Variants in SCGB3A2 observed in about 807,000 individuals in gnomAD.
SCGB3A2 encodes secretoglobin family 3A member 2.
SCGB3A2 carries 5 observed loss-of-function variants against 7.7 expected under a neutral mutation model. The ratio of observed to expected loss-of-function variants is 0.65; its 90% CI spans 0.34 to 1.36. The LOEUF is 1.36. Among genes scored for constraint, SCGB3A2 ranks in the 40% most tolerant of loss-of-function variants. SCGB3A2 has a pLI of 0.04. For synonymous variants in SCGB3A2, 44 were observed against 42.7 expected, an observed-to-expected ratio of 1.03 and a Z score of -0.12; for missense variants, 109 against 103.6, an observed-to-expected ratio of 1.05 and a Z score of -0.23.
Position 147,878,713 on chromosome 5 carries a change from A to G in SCGB3A2, c.-91A>G. ...ATGTGTGTGCAAAAGCAGCCATCACACTTTGTATGGCAAGTGGAACCACTG... is the reference window on the plus strand; with the variant it reads ...ATGTGTGTGCAAAAGCAGCCATCACGCTTTGTATGGCAAGTGGAACCACTG... On this transcript the variant is annotated 5_prime_UTR_variant, in exon 1 of 3. Coordinates refer to ENST00000296694, the MANE Select transcript of SCGB3A2 (RefSeq NM_054023.5). The G allele has an allele frequency of 5.2e-6, 5 of 965,486 alleles. No homozygotes were observed. In the South Asian group the frequency reaches 6.5e-5, roughly 12 times the overall value. The allele number at this position is 965,486 out of a possible 1,614,324, so 59.8% of individuals were successfully genotyped here.
chr5:147,880,110 A>G (rs1757322466), intron 1 of SCGB3A2, among the ~76,000 whole-genome samples: 2 of 152,206 alleles, frequency 1.3e-5, no homozygotes, highest in South Asian at 4.1e-4. Context: ...AAAATAAACT[A>G]TGGCAGGTCT....
chr5:147,878,817 C>T lies in SCGB3A2; in HGVS notation c.14C>T (p.Thr5Ile), dbSNP rs942403789. The change falls in exon 1 of 3, where the codon ACT becomes ATT. Residue 5 changes from threonine (T) to isoleucine (I), a missense_variant. Physicochemically the swap from Thr to Ile is moderately conservative, Grantham distance 89. Coordinates refer to ENST00000296694, the MANE Select transcript of SCGB3A2 (RefSeq NM_054023.5). ...CAGATAACTGTCATGAAGCTGGTAA[C>T]TATCTTCCTGCTGGTGACCATCAGC... is the stretch of plus-strand genomic sequence containing the variant. MKLV[T>I]IFLLVTISLC... 9 of 1,612,806 alleles carry T rather than the reference C, an allele frequency of 5.6e-6. No homozygotes were observed. In the African/African-American group the frequency reaches 1.2e-4, roughly 22 times the overall value.
At chr5:147,880,271 T>A (rs73261378) in intron 1 of SCGB3A2, among the ~76,000 whole-genome samples, 1 of 152,038 alleles carries the variant, frequency 6.6e-6, no homozygotes, top group Non-Finnish European at 1.5e-5. Context: ...GAAAGTTATC[T>A]TCCTAAAGCC....
In SCGB3A2 at chr5:147,882,136, T is replaced by A; in HGVS notation, c.*86T>A. On this transcript the variant is annotated 3_prime_UTR_variant, in exon 3 of 3. Transcript: ENST00000296694. Reference sequence around the variant, plus strand: ...TGAAACCTGTTCTACCAATTATAGATCAAATGCCCTAAAATGTAGTGACCC... The same window carrying A: ...TGAAACCTGTTCTACCAATTATAGAACAAATGCCCTAAAATGTAGTGACCC... 3 of 1,321,418 alleles carry A rather than the reference T, an allele frequency of 2.3e-6. No homozygotes were observed. Among genetic ancestry groups the A allele is most frequent in the Non-Finnish European group, 3.3e-6 (3 of 915,182 alleles). The allele number at this position is 1,321,418 out of a possible 1,614,324, so 81.9% of individuals were successfully genotyped here. A position where few individuals can be genotyped will look rare whatever the true frequency, so the allele number is the denominator to read the frequency against.
chr5:147,880,166 T>C (rs1757323924), intron 1 of SCGB3A2, among the ~76,000 whole-genome samples: 1 of 152,218 alleles, frequency 6.6e-6, no homozygotes, highest in South Asian at 2.1e-4. Flanking sequence ...CTCACATGCA[T>C]GTGTGCATTT....
In SCGB3A2 at chr5:147,881,520, C is replaced by T. The variant is rs760362085; in HGVS notation, c.130C>T (p.Pro44Ser). 5.6e-6 allele frequency: 9 copies of T among 1,613,934 alleles called. No homozygotes were observed. In the South Asian group the frequency reaches 9.9e-5, roughly 18 times the overall value. ...LAPLPLDNIL[P>S]FMDPLKLLLK... ...ACCTTTACCTCTGGACAACATTCTT[C>T]CCTTTATGGATCCATTAAAGCTTCT... Residue 44 changes from proline to serine, a missense_variant, in exon 2 of 3, where the codon CCC (proline) becomes TCC (serine). Coordinates refer to ENST00000296694, the MANE Select transcript of SCGB3A2 (RefSeq NM_054023.5).
At chr5:147,880,543 G>A (rs1176884374) in intron 1 of SCGB3A2, among the ~76,000 whole-genome samples, 1 of 152,132 alleles carries the variant, frequency 6.6e-6, no homozygotes, top group Non-Finnish European at 1.5e-5. Flanking sequence ...TATTGGTCAT[G>A]TTTCTAAAAT....
intron 1 of SCGB3A2, 74 bp downstream of exon 1, chr5:147,878,932 C>A (rs2278376): frequency 0.14 from 145,295 of 1,025,890 alleles, 12,200 homozygotes; most frequent in Admixed American, 0.34. Flanking sequence ...AACTAGTAAG[C>A]CTTGCCTCAC....
rs778759902 is a variant in SCGB3A2 at position 147,881,682 on chromosome 5, G to A, written c.258+34G>A. 38 of 1,552,978 alleles carry A rather than the reference G, an allele frequency of 2.4e-5. No individual in the cohort carries two copies. The East Asian group carries it at 6.5e-4, about 27-fold the overall frequency. On this transcript the variant is annotated intron_variant, in intron 2 of 2. Coordinates refer to ENST00000296694, the MANE Select transcript of SCGB3A2 (RefSeq NM_054023.5). ...AGCTTGGGAGGCTAATCTGCCAAAG[G>A]GGAGGCATACTCACCCTGAATGTCT...
At chr5:147,880,444 A>C (rs77425022) in intron 1 of SCGB3A2, among the ~76,000 whole-genome samples, 1 of 152,072 alleles carries the variant, frequency 6.6e-6, no homozygotes, top group Non-Finnish European at 1.5e-5. Context: ...TCCTTTGGTC[A>C]TAGCCTATTG....
Position 147,881,609 on chromosome 5 carries a change from G to T in SCGB3A2, c.219G>T (p.Glu73Asp). ...AGGGGCTAAGGAAGTGTGTAAATGA[G>T]CTGGGACCAGAGGCTTCTGAAGCTG... Reference protein sequence around the residue: ...LVEGLRKCVNELGPEASEAVK... With the variant: ...LVEGLRKCVNDLGPEASEAVK... Residue 73 changes from glutamate to aspartate, a missense_variant, in exon 2 of 3, where the codon GAG becomes GAT. Glu to Asp is a conservative substitution (Grantham distance 45). Transcript: ENST00000296694. 6.2e-7 allele frequency: 1 copy of T among 1,613,938 alleles called. No homozygotes were observed. The highest frequency in any genetic ancestry group is 8.5e-7 in the Non-Finnish European group (1 of 1,179,906).
At chr5:147,881,179 G>T in intron 1 of SCGB3A2, 1 of 387,722 alleles carries the variant, frequency 2.6e-6, no homozygotes. Flanking sequence ...ATGACGGAGA[G>T]TGACTATGGC....
intron 1 of SCGB3A2, chr5:147,880,761 A>T (rs1457750924): frequency 6.6e-6 from 1 of 152,508 alleles, no homozygotes. Context: ...GACTGTGTGA[A>T]GTCTCTGAAT....
intron 1 of SCGB3A2, among the ~76,000 whole-genome samples, chr5:147,879,291 C>A (rs1384237310): frequency 6.6e-6 from 1 of 152,210 alleles, no homozygotes; most frequent in Non-Finnish European, 1.5e-5. Flanking sequence ...TTGCTATCAT[C>A]TCCAGTTATC....
chr5:147,880,698 T>C (rs1757334076), intron 1 of SCGB3A2: 2 of 152,254 alleles, frequency 1.3e-5, no homozygotes, highest in Admixed American at 6.5e-5. Flanking sequence ...GTCCATAATG[T>C]TAGCATAGCA....
intron 1 of SCGB3A2, 115 bp from the exon 2 acceptor site, chr5:147,881,331 G>T: frequency 1.2e-6 from 1 of 840,028 alleles, no homozygotes; most frequent in South Asian, 1.6e-5. Context: ...AGTTTTCAAT[G>T]GAAGTAAGAT....
intron 2 of SCGB3A2, 68 bp from the exon 3 acceptor site, chr5:147,881,959 G>A: frequency 6.5e-7 from 1 of 1,540,838 alleles, no homozygotes; most frequent in East Asian, 2.2e-5. Context: ...CACTGGAAGT[G>A]AATATGTTTT....
In SCGB3A2 at chr5:147,881,531, TC is replaced by T; in HGVS notation, c.143del (p.Pro48HisfsTer2). ...PLDNILPFMD[P>X]LKLLLKTLGI... Reference sequence around the variant, plus strand: ...TGGACAACATTCTTCCCTTTATGGATCCATTAAAGCTTCTTCTGAAAACTCT... The same window carrying T: ...TGGACAACATTCTTCCCTTTATGGATCATTAAAGCTTCTTCTGAAAACTCT... On this transcript the variant is annotated frameshift_variant, in exon 2 of 3. Transcript: ENST00000296694. LOFTEE classifies it high-confidence loss of function. 6.2e-7 allele frequency: 1 copy of T among 1,614,020 alleles called. No individual in the cohort carries two copies. Among genetic ancestry groups the T allele is most frequent in the Non-Finnish European group, 8.5e-7 (1 of 1,179,920 alleles).
At chr5:147,881,928 T>G (rs1301648349) in intron 2 of SCGB3A2, 99 bp from the exon 3 acceptor site, 6 of 1,340,626 alleles carry the variant, frequency 4.5e-6, no homozygotes, top group Non-Finnish European at 5.3e-6. Flanking sequence ...TCCCCATCAG[T>G]AAAATAGTGG....
Sources: allele counts gnomAD v4.1 joint callset (sites outside exome capture counted in the v4.1 genomes callset), GRCh38; gene constraint gnomAD v4.1.1; transcripts MANE v1.5; gene names NCBI Gene and HGNC (gene_info 2026-07-23, HGNC 2026-07-21).